The following VWC2L variants were observed in gnomAD, a reference collection of about 807,000 sequenced individuals.
The protein encoded by VWC2L is von Willebrand factor C domain containing 2 like, also known as von Willebrand factor C domain-containing protein 2-like.
A neutral mutation model predicts 21.6 loss-of-function variants in VWC2L; 10 were observed. The observed-to-expected ratio is 0.46, with a 90% CI of 0.29 to 0.78. VWC2L has a LOEUF of 0.78. Among genes scored for constraint, VWC2L ranks in the 30% least tolerant of loss-of-function variants. The pLI is 0.10. For missense variants in VWC2L, 209 were observed against 277.1 expected (o/e 0.75, Z 1.74); for synonymous variants, 96 against 94.3 (o/e 1.02, Z -0.10).
intron 3 of VWC2L, among the ~76,000 whole-genome samples, chr2:214,501,176 A>T (rs561466730): frequency 5.5e-4 from 84 of 152,324 alleles, no homozygotes; most frequent in African/African-American, 2.0e-3. Context: ...CTATAGAACA[A>T]GTACACTCCC....
intron 3 of VWC2L, among the ~76,000 whole-genome samples, chr2:214,477,954 C>G (rs1688549677): frequency 6.6e-6 from 1 of 152,178 alleles, no homozygotes; most frequent in South Asian, 2.1e-4. Flanking sequence ...TTTTTCTCTT[C>G]TGTTAAAACT....
rs547704827 is a variant in VWC2L, at chr2:214,432,054, A to G, written c.391-4575A>G. 1.5e-3 allele frequency among the ~76,000 whole-genome samples: 235 copies of G among 152,338 alleles called. 2 individuals carry two copies. The highest frequency in any genetic ancestry group is 5.4e-3 in the African/African-American group (223 of 41,582). On this transcript the variant is annotated intron_variant, in intron 2 of 3. Coordinates refer to ENST00000312504, the MANE Select transcript of VWC2L (RefSeq NM_001080500.4). Reference sequence around the variant, plus strand: ...CACAGTCGGAAACCTTTTTCCCCAAAGTGCCCATTATAATATTTAAATAAA... The same window carrying G: ...CACAGTCGGAAACCTTTTTCCCCAAGGTGCCCATTATAATATTTAAATAAA...
intron 3 of VWC2L, among the ~76,000 whole-genome samples, chr2:214,453,658 A>G (rs1254465640): frequency 6.7e-6 from 1 of 149,946 alleles, no homozygotes; most frequent in Non-Finnish European, 1.5e-5. Context: ...CCTCAGCACT[A>G]TTTTGCTGTT....
At chr2:214,426,026 G>T (rs911808833) in intron 2 of VWC2L, among the ~76,000 whole-genome samples, 3 of 151,856 alleles carry the variant, frequency 2.0e-5, no homozygotes, top group African/African-American at 7.3e-5. Context: ...ACAAAGATTA[G>T]CCTGGCATGA....
chr2:214,572,506 C>T (rs1254164931), intron 3 of VWC2L, among the ~76,000 whole-genome samples: 3 of 152,034 alleles, frequency 2.0e-5, no homozygotes, highest in South Asian at 2.1e-4. Context: ...TTATTTCGAC[C>T]AAGACAAAAA....
chr2:214,420,159 T>G (rs891519021), intron 2 of VWC2L, among the ~76,000 whole-genome samples: 1 of 152,222 alleles, frequency 6.6e-6, no homozygotes, highest in African/African-American at 2.4e-5. Flanking sequence ...TGATTTGCCC[T>G]TTAATGGGTA....
At chr2:214,468,276 GT>G (rs1395628316) in intron 3 of VWC2L, among the ~76,000 whole-genome samples, 1 of 152,164 alleles carries the variant, frequency 6.6e-6, no homozygotes, top group Non-Finnish European at 1.5e-5. Flanking sequence ...CTTGGCCTCA[GT>G]TCTGGGATTA....
At chr2:214,425,459 A>G (rs1470686886) in intron 2 of VWC2L, among the ~76,000 whole-genome samples, 1 of 152,236 alleles carries the variant, frequency 6.6e-6, no homozygotes, top group Admixed American at 6.5e-5. Flanking sequence ...GCACTGATGT[A>G]TCATAACTTA....
At chr2:214,528,696 GTGA>G (rs1689382479) in intron 3 of VWC2L, among the ~76,000 whole-genome samples, 1 of 151,852 alleles carries the variant, frequency 6.6e-6, no homozygotes, top group African/African-American at 2.4e-5. Flanking sequence ...ACCCATGTTC[GTGA>G]TGTCAAAAAA....
At chr2:214,417,914 A>G (rs530809165) in intron 2 of VWC2L, among the ~76,000 whole-genome samples, 11 of 152,326 alleles carry the variant, frequency 7.2e-5, no homozygotes, top group East Asian at 1.9e-4. Context: ...CACAAGCACA[A>G]AGACATTCAG....
intron 3 of VWC2L, among the ~76,000 whole-genome samples, chr2:214,455,077 T>C (rs1703036025): frequency 6.6e-6 from 1 of 152,188 alleles, no homozygotes; most frequent in South Asian, 2.1e-4. Flanking sequence ...TATCAAGATA[T>C]TGCTGTCAGC....
At chr2:214,550,121 C>T (rs1689770414) in intron 3 of VWC2L, among the ~76,000 whole-genome samples, 1 of 152,190 alleles carries the variant, frequency 6.6e-6, no homozygotes, top group Admixed American at 6.5e-5. Flanking sequence ...GCAAGTGCTG[C>T]ACAAATTCCC....
chr2:214,563,169 A>T (rs1452005303), intron 3 of VWC2L, among the ~76,000 whole-genome samples: 1 of 152,146 alleles, frequency 6.6e-6, no homozygotes, highest in Non-Finnish European at 1.5e-5. Context: ...AATTTTCTGC[A>T]TGTGGCTAGC....
At chr2:214,440,488 T>C (rs965725060) in intron 3 of VWC2L, among the ~76,000 whole-genome samples, 5 of 152,034 alleles carry the variant, frequency 3.3e-5, no homozygotes, top group Non-Finnish European at 7.4e-5. Flanking sequence ...TCTTTATGGA[T>C]TTTTGTTTTT....
intron 3 of VWC2L, among the ~76,000 whole-genome samples, chr2:214,566,844 G>T (rs1267974554): frequency 6.6e-6 from 1 of 152,076 alleles, no homozygotes; most frequent in African/African-American, 2.4e-5. Flanking sequence ...GATGAAAATG[G>T]CTACACCTGA....
At chr2:214,542,412 G>A (rs1230848909) in intron 3 of VWC2L, among the ~76,000 whole-genome samples, 1 of 152,206 alleles carries the variant, frequency 6.6e-6, no homozygotes, top group Non-Finnish European at 1.5e-5. Flanking sequence ...AATCATTGCT[G>A]CTGACAAGAC....
chr2:214,502,148 C>T (rs891525184), intron 3 of VWC2L, among the ~76,000 whole-genome samples: 1 of 152,120 alleles, frequency 6.6e-6, no homozygotes, highest in Non-Finnish European at 1.5e-5. Context: ...TCATTTTTTC[C>T]TCCTTATCTA....
intron 3 of VWC2L, among the ~76,000 whole-genome samples, chr2:214,574,410 A>G (rs955272188): frequency 6.6e-6 from 1 of 152,210 alleles, no homozygotes; most frequent in African/African-American, 2.4e-5. Flanking sequence ...TTGTGTTGAT[A>G]AGTATATGTT....
At chr2:214,428,486 CTAAAG>C (rs1412867113) in intron 2 of VWC2L, among the ~76,000 whole-genome samples, 5 of 152,074 alleles carry the variant, frequency 3.3e-5, no homozygotes, top group South Asian at 2.1e-4. Context: ...AAGTTATACA[CTAAAG>C]TAGAGAGGTT....
Sources: allele counts gnomAD v4.1 joint callset (sites outside exome capture counted in the v4.1 genomes callset), GRCh38; gene constraint gnomAD v4.1.1; transcripts MANE v1.5; gene names NCBI Gene and HGNC (gene_info 2026-07-23, HGNC 2026-07-21).